ZDHHC21: variants seen among roughly 807,000 people sequenced by gnomAD.
ZDHHC21 encodes palmitoyltransferase ZDHHC21.
Under a neutral mutation model 34.6 loss-of-function variants are expected in ZDHHC21, and 15 were observed. The observed-to-expected ratio is 0.43, with a 90% CI of 0.29 to 0.67. The LOEUF is 0.67. ZDHHC21 is among the 30% of genes least tolerant of loss of function. ZDHHC21 has a pLI of 0.14. For missense variants in ZDHHC21, 344 were observed against 327.7 expected, an observed-to-expected ratio of 1.05 and a Z score of -0.38; for synonymous variants, 142 against 101.8, an observed-to-expected ratio of 1.40 and a Z score of -2.38.
At chr9:14,681,353 G>GGCACTA (rs2131606426) in intron 2 of ZDHHC21, among the ~76,000 whole-genome samples, 1 of 152,150 alleles carries the variant, frequency 6.6e-6, no homozygotes, top group East Asian at 1.9e-4. Flanking sequence ...CTGAGTCACT[G>GGCACTA]GCACTACAGC....
intron 8 of ZDHHC21, among the ~76,000 whole-genome samples, chr9:14,630,311 T>C (rs1300899512): frequency 6.6e-6 from 1 of 152,174 alleles, no homozygotes; most frequent in Non-Finnish European, 1.5e-5. Context: ...AAACACCACT[T>C]TTTGGGCTCA....
chr9:14,643,994 C>T (rs1215432098), intron 7 of ZDHHC21, among the ~76,000 whole-genome samples: 1 of 152,156 alleles, frequency 6.6e-6, no homozygotes, highest in Non-Finnish European at 1.5e-5. Flanking sequence ...TTTGTATTTG[C>T]ATAAAAATTT....
chr9:14,594,373 A>G, the ZDHHC21 span, among the ~76,000 whole-genome samples: 1 of 152,262 alleles, frequency 6.6e-6, no homozygotes, highest in Non-Finnish European at 1.5e-5. Context: ...AGAACAACAG[A>G]ACATAATTCA....
At chr9:14,683,982 C>T (rs1359002417) in intron 2 of ZDHHC21, among the ~76,000 whole-genome samples, 4 of 152,272 alleles carry the variant, frequency 2.6e-5, no homozygotes, top group South Asian at 4.2e-4. Flanking sequence ...GCAGAAAAGG[C>T]CTTTGACAAA....
At chr9:14,620,362 T>C (rs947232042) in intron 8 of ZDHHC21, among the ~76,000 whole-genome samples, 2 of 152,008 alleles carry the variant, frequency 1.3e-5, no homozygotes, top group African/African-American at 4.8e-5. Flanking sequence ...GACTTATCAT[T>C]AGACTGGCAA....
chr9:14,626,654 TAA>T (rs768345669), intron 8 of ZDHHC21, among the ~76,000 whole-genome samples: 36 of 152,102 alleles, frequency 2.4e-4, no homozygotes, highest in South Asian at 1.5e-3. Flanking sequence ...ATAATTTTTT[TAA>T]AAGAGTATTT....
chr9:14,648,591 T>A lies in ZDHHC21; in HGVS notation c.505-8579A>T, dbSNP rs569536267. ...ACTAGAGAAAGGTCTTCCTTGACTA[T>A]ATCCACCCCTGTACCCTGCTTTATT... On this transcript the variant is annotated intron_variant, in intron 7 of 9. Transcript: ENST00000380916. Among the ~76,000 whole-genome samples the A allele has an allele frequency of 3.3e-4, 51 of 152,252 alleles. No individual in the cohort carries two copies. In the South Asian group the frequency reaches 0.011, roughly 32 times the overall value.
chr9:14,640,189 T>C (rs1171036407), intron 7 of ZDHHC21, among the ~76,000 whole-genome samples, 177 bp from the exon 8 acceptor site: 1 of 151,442 alleles, frequency 6.6e-6, no homozygotes, highest in Non-Finnish European at 1.5e-5. Context: ...ATTTCAAAAA[T>C]AGGTATTTTA....
the ZDHHC21 span, chr9:14,589,476 T>C: frequency 1.3e-5 from 2 of 152,100 alleles, no homozygotes; most frequent in Admixed American, 6.5e-5. Context: ...TTTCACTGAA[T>C]TGAAGACACG....
chr9:14,635,721 A>C (rs1013885320), intron 8 of ZDHHC21, among the ~76,000 whole-genome samples: 4 of 152,212 alleles, frequency 2.6e-5, no homozygotes, highest in Admixed American at 6.5e-5. Context: ...AGCTACCATC[A>C]TAAAAACACA....
rs191132915 is a variant in ZDHHC21, at chr9:14,649,238, A to G, written c.505-9226T>C. Among the ~76,000 whole-genome samples the G allele has an allele frequency of 8.5e-4, 130 of 152,246 alleles. 2 individuals carry two copies. The Middle Eastern group carries it at 0.017, about 20-fold the overall frequency. On this transcript the variant is annotated intron_variant, in intron 7 of 9. Coordinates refer to ENST00000380916, the MANE Select transcript of ZDHHC21 (RefSeq NM_178566.6). ...TTTCTCTGTTGTTAAAAGAATAGAA[A>G]CACCTGGAGACAGTAAAAATCATAA... is the stretch of plus-strand genomic sequence containing the variant.
chr9:14,652,397 C>T (rs937420083), intron 7 of ZDHHC21, among the ~76,000 whole-genome samples: 4 of 152,044 alleles, frequency 2.6e-5, no homozygotes, highest in South Asian at 4.1e-4. Flanking sequence ...ATCTCCTGCA[C>T]ATCTTAGTCC....
At chr9:14,650,128 A>C (rs1281801727) in intron 7 of ZDHHC21, among the ~76,000 whole-genome samples, 2 of 152,002 alleles carry the variant, frequency 1.3e-5, no homozygotes, top group Non-Finnish European at 2.9e-5. Context: ...ATTTATTATA[A>C]GGTTTCTGTG....
At chr9:14,625,861 A>C (rs572065210) in intron 8 of ZDHHC21, among the ~76,000 whole-genome samples, 53 of 152,112 alleles carry the variant, frequency 3.5e-4, no homozygotes, top group African/African-American at 1.2e-3. Context: ...TGATTCATTC[A>C]TTCATTTATC....
intron 7 of ZDHHC21, among the ~76,000 whole-genome samples, chr9:14,642,862 AT>A (rs1296886081): frequency 1.3e-5 from 2 of 152,212 alleles, no homozygotes; most frequent in African/African-American, 4.8e-5. Context: ...GTATTTCTTT[AT>A]TGTTTACATT....
chr9:14,680,406 T>C (rs886429364), intron 2 of ZDHHC21, among the ~76,000 whole-genome samples: 2 of 151,632 alleles, frequency 1.3e-5, no homozygotes, highest in African/African-American at 2.4e-5. Flanking sequence ...ATAAGCATTA[T>C]ACTTCCCATA....
At chr9:14,620,080 A>G (rs1416365393) in intron 8 of ZDHHC21, among the ~76,000 whole-genome samples, 59 of 152,064 alleles carry the variant, frequency 3.9e-4, no homozygotes. Context: ...AATGAACAGA[A>G]AACTGCCTAA....
At chr9:14,595,746 T>C in the ZDHHC21 span, among the ~76,000 whole-genome samples, 5,071 of 151,778 alleles carry the variant, frequency 0.033, 121 homozygotes, top group Non-Finnish European at 0.046. Flanking sequence ...TGAAAGCACA[T>C]CTCCATTGGC....
At chr9:14,590,403 A>G in the ZDHHC21 span, among the ~76,000 whole-genome samples, 7 of 152,186 alleles carry the variant, frequency 4.6e-5, no homozygotes, top group Non-Finnish European at 1.0e-4. Flanking sequence ...AAAATAATAG[A>G]CTCAAATTTA....
Sources: gnomAD v4.1 joint callset for allele counts (sites outside exome capture counted in the v4.1 genomes callset) on GRCh38, gnomAD v4.1.1 for gene constraint, MANE v1.5 for transcripts, NCBI Gene and HGNC (gene_info 2026-07-23, HGNC 2026-07-21) for gene names.